KLF8: variants seen among roughly 807,000 people sequenced by gnomAD.
KLF8 encodes Krueppel-like factor 8.
Under a neutral mutation model 18.2 loss-of-function variants are expected in KLF8, and 10 were observed. The observed-to-expected ratio is 0.55, with a 90% CI of 0.34 to 0.93. The LOEUF (loss-of-function observed/expected upper bound fraction) is 0.93, where lower values mean the gene tolerates loss of function less well. Among genes scored for constraint, KLF8 ranks in the 40% least tolerant of loss-of-function variants. The probability of loss-of-function intolerance (pLI) is 0.02; values close to 1 mark genes in which losing one functional copy is unlikely to be tolerated. For missense variants in KLF8, 264 were observed against 277.9 expected (o/e 0.95, Z 0.36); for synonymous variants, 109 against 97.3 (o/e 1.12, Z -0.71).
At chrX:56,100,071 G>A in the KLF8 span, among the ~76,000 whole-genome samples, 3 of 111,362 alleles carry the variant, frequency 2.7e-5, no homozygotes, top group East Asian at 5.7e-4. Flanking sequence ...TCAAAGCTTC[G>A]AAAGACAGGC....
At chrX:56,099,195 A>C in the KLF8 span, among the ~76,000 whole-genome samples, 1 of 111,923 alleles carries the variant, frequency 8.9e-6, no homozygotes, top group African/African-American at 3.2e-5. Flanking sequence ...AATTCTTACA[A>C]GATTTTTAAC....
At chrX:56,038,593 A>C in the KLF8 span, among the ~76,000 whole-genome samples, 1 of 112,430 alleles carries the variant, frequency 8.9e-6, no homozygotes, top group Non-Finnish European at 1.9e-5. Flanking sequence ...TATATGTACC[A>C]CATTTTCTTT....
At chrX:56,100,122 G>T in the KLF8 span, among the ~76,000 whole-genome samples, 1 of 111,310 alleles carries the variant, frequency 9.0e-6, no homozygotes, top group African/African-American at 3.3e-5. Context: ...GGGACTTGAA[G>T]TTGAAGTCAG....
the KLF8 span, among the ~76,000 whole-genome samples, chrX:56,042,461 T>G: frequency 9.0e-6 from 1 of 111,358 alleles, no homozygotes; most frequent in African/African-American, 3.3e-5. Context: ...TCCCACTATT[T>G]TTGTGTGGGA....
the KLF8 span, among the ~76,000 whole-genome samples, chrX:55,966,720 G>A: frequency 2.8e-4 from 31 of 111,638 alleles, no homozygotes; most frequent in Admixed American, 2.7e-3. Context: ...TGCAGTCACT[G>A]ATGAACATCC....
the KLF8 span, among the ~76,000 whole-genome samples, chrX:56,169,881 G>C: frequency 9.0e-6 from 1 of 111,272 alleles, no homozygotes; most frequent in East Asian, 2.9e-4. Context: ...GTGGGCCTTG[G>C]TTTAGACCCA....
At chrX:56,177,922 G>T in the KLF8 span, among the ~76,000 whole-genome samples, 1 of 111,976 alleles carries the variant, frequency 8.9e-6, no homozygotes, top group Non-Finnish European at 1.9e-5. Context: ...ATAATCTCCT[G>T]GTGTGCTGTT....
chrX:56,048,726 G>T, the KLF8 span, among the ~76,000 whole-genome samples: 73 of 111,626 alleles, frequency 6.5e-4, no homozygotes, highest in Non-Finnish European at 1.1e-3. Context: ...TGTTCTTTTG[G>T]CTTAGGATTG....
the KLF8 span, among the ~76,000 whole-genome samples, chrX:56,135,656 T>G: frequency 3.6e-5 from 4 of 110,274 alleles, no homozygotes; most frequent in Non-Finnish European, 7.6e-5. Context: ...CATATGTAAC[T>G]AACCTGCACA....
the KLF8 span, among the ~76,000 whole-genome samples, chrX:55,990,407 T>C: frequency 5.3e-5 from 6 of 112,439 alleles, no homozygotes; most frequent in African/African-American, 9.7e-5. Flanking sequence ...TGTGTCTTTG[T>C]TCTCATTGGT....
the KLF8 span, among the ~76,000 whole-genome samples, chrX:56,134,215 A>G: frequency 9.0e-6 from 1 of 111,656 alleles, no homozygotes; most frequent in Non-Finnish European, 1.9e-5. Context: ...GCCAAAGTAA[A>G]ACTAAGCAAA....
At chrX:56,061,275 C>T in the KLF8 span, among the ~76,000 whole-genome samples, 1 of 111,900 alleles carries the variant, frequency 8.9e-6, no homozygotes, top group Non-Finnish European at 1.9e-5. Flanking sequence ...AATTTTAGAT[C>T]TTTCCTGCTT....
the KLF8 span, among the ~76,000 whole-genome samples, chrX:55,942,329 G>C: frequency 5.5e-5 from 6 of 109,396 alleles, no homozygotes; most frequent in East Asian, 1.7e-3. Flanking sequence ...AGTACGCATG[G>C]ACACAAGAAG....
chrX:56,080,268 A>T, the KLF8 span, among the ~76,000 whole-genome samples: 1 of 109,687 alleles, frequency 9.1e-6, no homozygotes, highest in Non-Finnish European at 1.9e-5. Flanking sequence ...TTTTGGCATG[A>T]TTTTGCAGTG....
the KLF8 span, among the ~76,000 whole-genome samples, chrX:56,061,730 C>G: frequency 9.0e-6 from 1 of 110,790 alleles, no homozygotes; most frequent in Non-Finnish European, 1.9e-5. Context: ...ACTTTTCTGT[C>G]TTGTTTACCT....
At chrX:56,165,981 T>A in the KLF8 span, among the ~76,000 whole-genome samples, 2 of 111,738 alleles carry the variant, frequency 1.8e-5, no homozygotes, top group Non-Finnish European at 3.8e-5. Flanking sequence ...TAACTTTTGC[T>A]TGAAAACTCA....
the KLF8 span, among the ~76,000 whole-genome samples, chrX:56,040,288 T>C: frequency 1.8e-5 from 2 of 111,652 alleles, no homozygotes; most frequent in Non-Finnish European, 3.8e-5. Flanking sequence ...GGAGAGGGCA[T>C]CCTTTTCTCG....
At chrX:56,049,091 G>C in the KLF8 span, among the ~76,000 whole-genome samples, 1 of 111,858 alleles carries the variant, frequency 8.9e-6, no homozygotes, top group Non-Finnish European at 1.9e-5. Context: ...GCATAAGAAT[G>C]CTTGTGATTT....
chrX:55,991,324 C>T, the KLF8 span, among the ~76,000 whole-genome samples: 3 of 112,421 alleles, frequency 2.7e-5, no homozygotes, highest in Non-Finnish European at 3.8e-5. Flanking sequence ...ATATAATCTC[C>T]TGGTATGCCT....
Sources: gnomAD v4.1 joint callset for allele counts (sites outside exome capture counted in the v4.1 genomes callset) on GRCh38, gnomAD v4.1.1 for gene constraint, MANE v1.5 for transcripts, NCBI Gene and HGNC (gene_info 2026-07-23, HGNC 2026-07-21) for gene names.